ANKLE2: variants seen among roughly 807,000 people sequenced by gnomAD.
The protein encoded by ANKLE2 is ankyrin repeat and LEM domain-containing protein 2.
Under a neutral mutation model 84.2 loss-of-function variants are expected in ANKLE2, and 55 were observed. The observed-to-expected ratio is 0.65, with a 90% CI of 0.53 to 0.82. ANKLE2 has a LOEUF of 0.82. Among genes scored for constraint, ANKLE2 ranks in the 40% least tolerant of loss-of-function variants. The pLI is 0.00. For missense variants in ANKLE2, 1,238 were observed against 1,201.9 expected (o/e 1.03, Z -0.44); for synonymous variants, 551 against 486.1 (o/e 1.13, Z -1.76).
At chr12:132,744,056 G>C (rs141504519) in intron 5 of ANKLE2, among the ~76,000 whole-genome samples, 1 of 152,158 alleles carries the variant, frequency 6.6e-6, no homozygotes, top group Non-Finnish European at 1.5e-5. Flanking sequence ...ATGACGCTGC[G>C]TCACGCCCTC....
chr12:132,741,938 T>C (rs988581766), intron 6 of ANKLE2: 2 of 430,278 alleles, frequency 4.6e-6, no homozygotes, highest in Non-Finnish European at 9.3e-6. Context: ...ACTAAAGAAA[T>C]CAACTTTCTC....
chr12:132,739,671 A>G (rs1297211300), intron 7 of ANKLE2, among the ~76,000 whole-genome samples: 1 of 152,150 alleles, frequency 6.6e-6, no homozygotes, highest in Non-Finnish European at 1.5e-5. Flanking sequence ...CTCTCATAAC[A>G]CTTTAGAGTC....
chr12:132,748,068 C>A (rs544462880), intron 4 of ANKLE2, 48 bp from the exon 5 acceptor site: 2 of 1,603,580 alleles, frequency 1.2e-6, no homozygotes, highest in Admixed American at 3.4e-5. Context: ...TGTGTGGACA[C>A]GCCCTGTGCG....
intron 1 of ANKLE2, chr12:132,757,984 C>CA (rs759123738): frequency 0.11 from 7,399 of 66,040 alleles, 419 homozygotes; most frequent in African/African-American, 0.25. Context: ...ACCCCGTCTC[C>CA]AAAAAAAAAA....
Position 132,754,942 on chromosome 12 carries a change from C to T in ANKLE2, c.373G>A (p.Ala125Thr), listed in dbSNP as rs773587421. 28 of 1,614,186 alleles carry T rather than the reference C, an allele frequency of 1.7e-5. 2 individuals are homozygous for T. In the South Asian group the frequency reaches 2.9e-4, roughly 16 times the overall value. ...GRLSSFYHHE[A>T]GVTALSQDPQ... Reference sequence around the variant, plus strand: ...TCCTGGCTGAGAGCTGTGACACCTGCCTCATGGTGGTAGAAAGAAGACAGC... The same window carrying T: ...TCCTGGCTGAGAGCTGTGACACCTGTCTCATGGTGGTAGAAAGAAGACAGC... The change falls in exon 2 of 13, where the codon GCA (alanine) becomes ACA (threonine). Residue 125 changes from alanine (A) to threonine (T), a missense_variant. Physicochemically the swap from Ala to Thr is moderately conservative, Grantham distance 58. This residue lies in a region of ANKLE2 where 422 missense variants were observed against 394.5 expected (regional missense o/e 1.07). Coordinates refer to ENST00000357997, the MANE Select transcript of ANKLE2 (RefSeq NM_015114.3).
intron 1 of ANKLE2, chr12:132,756,121 C>T (rs1013348533): frequency 2.6e-5 from 4 of 151,928 alleles, no homozygotes; most frequent in Non-Finnish European, 5.9e-5. Flanking sequence ...ATGCCCAGCC[C>T]GTTGTATTCT....
chr12:132,738,121 C>CGCTTCTCAATCCT (rs6144939), intron 7 of ANKLE2: 4 of 147,022 alleles, frequency 2.7e-5, no homozygotes, highest in African/African-American at 8.0e-5. Flanking sequence ...CCGGCCTCCT[C>CGCTTCTCAATCCT]GCTTCTCAAT....
At chr12:132,744,301 GA>G (rs1295304556) in intron 5 of ANKLE2, among the ~76,000 whole-genome samples, 1 of 152,142 alleles carries the variant, frequency 6.6e-6, no homozygotes, top group Non-Finnish European at 1.5e-5. Flanking sequence ...GTAGAAAACA[GA>G]ATTCATTTAC....
intron 2 of ANKLE2, 152 bp from the exon 3 acceptor site, chr12:132,751,001 G>C: frequency 1.5e-6 from 1 of 648,914 alleles, no homozygotes; most frequent in Non-Finnish European, 2.6e-6. Context: ...AAGGGCCTAA[G>C]CTAGCCAAAA....
Position 132,727,048 on chromosome 12 carries a change from T to C in ANKLE2, c.*194A>G, listed in dbSNP as rs1566006134. On this transcript the variant is annotated 3_prime_UTR_variant, in exon 13 of 13. Transcript: ENST00000357997. ...AATTGGTAACTGAGTTTGCTTTCAT[T>C]AACTTCTAACTTCTTCCAAAATATC... 1.6e-6 allele frequency: 1 copy of C among 624,348 alleles called. No homozygotes were observed. Among genetic ancestry groups the C allele is most frequent in the East Asian group, 3.0e-5 (1 of 33,206 alleles). 38.7% of individuals were successfully genotyped at this position (624,348 alleles called of 1,614,324 possible). A position where few individuals can be genotyped will look rare whatever the true frequency, so the allele number is the denominator to read the frequency against.
rs199870460 is a variant in ANKLE2 at position 132,741,503 on chromosome 12, G to A, written c.1354-18C>T. On this transcript the variant is annotated intron_variant, in intron 6 of 12. Transcript: ENST00000357997. The stretch of plus-strand genomic sequence containing the variant: ...CAAATTACCTATTGGAAAAAAAAGT[G>A]TGTCTAAATCTTATTTGATCGCAAC... 30 of 1,610,696 alleles carry A rather than the reference G, an allele frequency of 1.9e-5. No individual in the cohort carries two copies. The Admixed American group carries it at 3.2e-4, about 17-fold the overall frequency.
At chr12:132,734,320 T>C in intron 10 of ANKLE2, 65 bp downstream of exon 10, 3 of 1,534,564 alleles carry the variant, frequency 2.0e-6, no homozygotes, top group East Asian at 2.2e-5. Context: ...GATGTGCGCA[T>C]CCCGTCAGAC....
chr12:132,760,572 C>G (rs921144784), intron 1 of ANKLE2: 3 of 152,252 alleles, frequency 2.0e-5, no homozygotes, highest in African/African-American at 7.2e-5. Context: ...GAGTGGCTCC[C>G]GAACTCACAG....
chr12:132,754,964 C>T lies in ANKLE2; in HGVS notation c.351G>A (p.Leu117=), dbSNP rs1178588204. 2 of 1,614,230 alleles carry T rather than the reference C, an allele frequency of 1.2e-6. No individual in the cohort carries two copies. The highest frequency in any genetic ancestry group is 4.5e-5 in the East Asian group (2 of 44,890). ...CTGCCTCATGGTGGTAGAAAGAAGA[C>T]AGCCTTCCTCCTTGCTCCAGTAAAG... ...AQALLEQGGR[L]SSFYHHEAGV... Residue 117 remains leucine (L), a synonymous_variant, in exon 2 of 13, where the codon CTG becomes CTA. Coordinates refer to ENST00000357997, the MANE Select transcript of ANKLE2 (RefSeq NM_015114.3).
At chr12:132,741,279 T>C (rs908774773) in intron 7 of ANKLE2, 140 bp downstream of exon 7, 6 of 759,022 alleles carry the variant, frequency 7.9e-6, no homozygotes, top group Admixed American at 2.4e-5. Context: ...GAAGAAAGGA[T>C]GATCCCGAGG....
chr12:132,727,493 T>C (rs2043724299), intron 12 of ANKLE2, 50 bp from the exon 13 acceptor site: 2 of 1,497,486 alleles, frequency 1.3e-6, no homozygotes, highest in Non-Finnish European at 1.8e-6. Context: ...GGCCCGGAGA[T>C]GAACAGCAAA....
Position 132,741,773 on chromosome 12 carries a change from C to G in ANKLE2, c.1354-288G>C, listed in dbSNP as rs142727771. ...AGGAGAGGAAAAGGTACCAGCGCATCGAGTAAAAGCAGAAGCACGTGAACA... is the reference window on the plus strand; with the variant it reads ...AGGAGAGGAAAAGGTACCAGCGCATGGAGTAAAAGCAGAAGCACGTGAACA... On this transcript the variant is annotated intron_variant, in intron 6 of 12. Transcript: ENST00000357997. 2.0e-4 allele frequency: 112 copies of G among 550,086 alleles called. No individual in the cohort carries two copies. The East Asian group carries it at 4.7e-3, about 23-fold the overall frequency. 34.1% of individuals were successfully genotyped at this position (550,086 alleles called of 1,614,324 possible). A position where few individuals can be genotyped will look rare whatever the true frequency, so the allele number is the denominator to read the frequency against.
chr12:132,741,525 C>G (rs748941745), intron 6 of ANKLE2, 40 bp from the exon 7 acceptor site: 4 of 1,569,592 alleles, frequency 2.5e-6, no homozygotes, highest in Non-Finnish European at 3.5e-6. Flanking sequence ...TATTTGATCG[C>G]AACATTTCCT....
chr12:132,745,219 G>T, intron 5 of ANKLE2: 2 of 167,244 alleles, frequency 1.2e-5, no homozygotes, highest in South Asian at 3.3e-4. Flanking sequence ...CCAACTCCAT[G>T]ACCAATGTCC....
Sources: allele counts gnomAD v4.1 joint callset (sites outside exome capture counted in the v4.1 genomes callset), GRCh38; gene constraint gnomAD v4.1.1; regional missense constraint gnomAD v4.1.1; transcripts MANE v1.5; gene names NCBI Gene and HGNC (gene_info 2026-07-23, HGNC 2026-07-21).